Variants in BSDC1 observed in about 807,000 individuals in gnomAD.
BSDC1 encodes the protein BSD domain-containing protein 1.
Under a neutral mutation model 56.0 loss-of-function variants are expected in BSDC1, and 29 were observed. The observed-to-expected ratio is 0.52, with a 90% CI of 0.39 to 0.71. The LOEUF (loss-of-function observed/expected upper bound fraction) is 0.71, where lower values mean the gene tolerates loss of function less well. BSDC1 is among the 30% of genes least tolerant of loss of function. The probability of loss-of-function intolerance (pLI) is 0.00; values close to 1 mark genes in which losing one functional copy is unlikely to be tolerated. For synonymous variants in BSDC1, 210 were observed against 215.3 expected (o/e 0.98, Z 0.21); for missense variants, 477 against 548.5 (o/e 0.87, Z 1.30).
Position 32,368,550 on chromosome 1 carries a change from C to T in BSDC1, c.1157G>A (p.Gly386Asp). The T allele has an allele frequency of 6.2e-7, 1 of 1,614,122 alleles. No individual in the cohort carries two copies. The highest frequency in any genetic ancestry group is 1.3e-5 in the African/African-American group (1 of 75,040). ...GTCCTCACTGATGTCCGTGCTTGAG[C>T]CTGGAACCACGAGCCACAGTGTGAA... ...KSTPSNNGKK[G>D]SSTDISEDWE... The change falls in exon 10 of 11, where the codon GGC (glycine) becomes GAC (aspartate). Residue 386 changes from glycine (G) to aspartate (D), a missense_variant and splice_region_variant. By Grantham distance (94) the Gly-to-Asp change is moderately conservative (BLOSUM62 -1). Transcript: ENST00000455895.
chr1:32,369,469 A>G (rs1641988286), intron 9 of BSDC1: 13 of 351,088 alleles, frequency 3.7e-5, no homozygotes, highest in South Asian at 3.1e-4. Flanking sequence ...TGATCATGCC[A>G]CTGCAGTCCA....
At position 32,364,641 on chromosome 1, in the gene BSDC1, G is replaced by T. The variant is rs968593913; in HGVS notation, c.*1981C>A. On this transcript the variant is annotated 3_prime_UTR_variant, in exon 11 of 11. Transcript: ENST00000455895. ...TTTAGTAGAGATGGGGTTTCACCAT[G>T]TTGGCCAGGCTGGTCTGGAACTCCT... Among the ~76,000 whole-genome samples, 3 of 152,164 alleles carry T rather than the reference G, an allele frequency of 2.0e-5. No homozygotes were observed. The highest frequency in any genetic ancestry group is 7.2e-5 in the African/African-American group (3 of 41,422).
chr1:32,390,711 G>A (rs949409219), intron 2 of BSDC1, among the ~76,000 whole-genome samples: 75 of 152,248 alleles, frequency 4.9e-4, no homozygotes, highest in African/African-American at 1.7e-3. Flanking sequence ...AGGGGTTTGA[G>A]ACCAGCCTGG....
intron 9 of BSDC1, among the ~76,000 whole-genome samples, chr1:32,370,129 C>A (rs1642019002): frequency 6.6e-6 from 1 of 152,214 alleles, no homozygotes. Flanking sequence ...AGGGGCATGC[C>A]ACCATGCCTG....
At chr1:32,382,463 CA>C (rs146087579) in intron 4 of BSDC1, among the ~76,000 whole-genome samples, 1,858 of 130,180 alleles carry the variant, frequency 0.014, 36 homozygotes, top group African/African-American at 0.049. Flanking sequence ...GACCCTATTT[CA>C]AAAAAAAAAC....
intron 4 of BSDC1, among the ~76,000 whole-genome samples, chr1:32,381,974 C>T (rs1211098964): frequency 6.6e-6 from 1 of 152,146 alleles, no homozygotes; most frequent in Non-Finnish European, 1.5e-5. Flanking sequence ...CGCCTGTAAT[C>T]CCAGCACTCT....
At chr1:32,375,425 G>A in intron 9 of BSDC1, among the ~76,000 whole-genome samples, 1 of 151,858 alleles carries the variant, frequency 6.6e-6, no homozygotes, top group Non-Finnish European at 1.5e-5. Context: ...TACAGGTGGT[G>A]GGGGGACTGG....
intron 10 of BSDC1, chr1:32,367,490 T>C (rs1033306565): frequency 2.0e-6 from 2 of 985,312 alleles, no homozygotes; most frequent in African/African-American, 1.7e-5. Flanking sequence ...GCCCTTCACA[T>C]GTCTCTCTAA....
chr1:32,375,206 G>C (rs1642236008), intron 9 of BSDC1, among the ~76,000 whole-genome samples: 1 of 152,000 alleles, frequency 6.6e-6, no homozygotes, highest in African/African-American at 2.4e-5. Context: ...ATTGATCAAA[G>C]TCAGAAGGGA....
chr1:32,365,224 TTTTTTTCC>T lies in BSDC1; in HGVS notation c.*1390_*1397del, dbSNP rs1249694606. 5.9e-5 allele frequency: 9 copies of T among 152,186 alleles called. No homozygotes were observed. The highest frequency in any genetic ancestry group is 1.9e-4 in the African/African-American group (8 of 41,458). 9.4% of individuals were successfully genotyped at this position (152,186 alleles called of 1,614,324 possible). A position where few individuals can be genotyped will look rare whatever the true frequency, so the allele number is the denominator to read the frequency against. On this transcript the variant is annotated 3_prime_UTR_variant, in exon 11 of 11. Coordinates refer to ENST00000455895, the MANE Select transcript of BSDC1 (RefSeq NM_018045.8). ...TAACAGCTGTTAGAATCTTTTTTTC[TTTTTTTCC>T]TTTTTTCTTTTCCCAGCTACAAAAT...
chr1:32,390,631 C>T (rs932176584), intron 2 of BSDC1, among the ~76,000 whole-genome samples: 13 of 152,140 alleles, frequency 8.5e-5, no homozygotes, highest in African/African-American at 2.9e-4. Context: ...CTAAAGCTGG[C>T]CGGGCATGGT....
Position 32,368,497 on chromosome 1 carries a change from T to C in BSDC1, c.1210A>G (p.Thr404Ala), listed in dbSNP as rs772033460. The C allele has an allele frequency of 3.7e-6, 6 of 1,614,098 alleles. No homozygotes were observed. Among genetic ancestry groups the C allele is most frequent in the Non-Finnish European group, 5.1e-6 (6 of 1,180,010 alleles). The change falls in exon 10 of 11, where the codon ACT becomes GCT. Residue 404 changes from threonine to alanine, a missense_variant. By Grantham distance (58) the Thr-to-Ala change is moderately conservative (BLOSUM62 0). Transcript: ENST00000455895. The stretch of plus-strand genomic sequence containing the variant: ...AGTGCCATCTGCACCTCCTCTTCAG[T>C]CATGTCCAAGTCAAAGTCTTTCTCC... The part of the protein sequence containing the change: ...DWEKDFDLDM[T>A]EEEVQMALSK...
chr1:32,383,905 G>A lies in BSDC1; in HGVS notation c.282C>T (p.Asp94=). Residue 94 remains aspartate (D), a synonymous_variant, in exon 4 of 11, where the codon GAC becomes GAT. Coordinates refer to ENST00000455895, the MANE Select transcript of BSDC1 (RefSeq NM_018045.8). ...TGATGACATCGCAGTCGATGGTTTT[G>A]TCTGGCGAAGGGGCAAAGGTGTCTG... The part of the protein sequence containing the change: ...VISDTFAPSP[D]KTIDCDVITL... 6.2e-7 allele frequency: 1 copy of A among 1,612,552 alleles called. No individual in the cohort carries two copies. Among genetic ancestry groups the A allele is most frequent in the Non-Finnish European group, 8.5e-7 (1 of 1,180,016 alleles).
rs560058496 is a variant in BSDC1 at position 32,378,289 on chromosome 1, G to A, written c.529-6C>T. 9.9e-6 allele frequency: 16 copies of A among 1,614,148 alleles called. No individual in the cohort carries two copies. Among genetic ancestry groups the A allele is most frequent in the Admixed American group, 6.7e-5 (4 of 60,032 alleles). The stretch of plus-strand genomic sequence containing the variant: ...TGGGAAACAGCTGCTGGAACCTGGA[G>A]GGAGGGGAAAATGGAGGTGAGACTT... On this transcript the variant is annotated splice_region_variant and splice_polypyrimidine_tract_variant and intron_variant, in intron 6 of 10. Coordinates refer to ENST00000455895, the MANE Select transcript of BSDC1 (RefSeq NM_018045.8). The surrounding 1 kb of genome is among the most constrained non-coding windows in gnomAD (Gnocchi z 5.2).
At chr1:32,387,072 G>A (rs1447360042) in intron 2 of BSDC1, among the ~76,000 whole-genome samples, 177 bp from the exon 3 acceptor site, 3 of 152,240 alleles carry the variant, frequency 2.0e-5, no homozygotes, top group Non-Finnish European at 2.9e-5. Context: ...CCTGACAGCA[G>A]AGAGTGCAGG....
chr1:32,367,792 T>C (rs1036927035), intron 10 of BSDC1: 5 of 890,628 alleles, frequency 5.6e-6, no homozygotes, highest in South Asian at 5.1e-5. Context: ...CTGGTCACCA[T>C]GTCTCAGGCA....
At chr1:32,369,392 C>T in intron 9 of BSDC1, 2 of 897,574 alleles carry the variant, frequency 2.2e-6, no homozygotes. Context: ...CTAAGGAGTC[C>T]CAGCTACTCA....
In BSDC1 at chr1:32,376,610, G is replaced by A. The variant is rs767166821; in HGVS notation, c.808C>T (p.Pro270Ser). Reference protein sequence around the residue: ...CEENLVTSVEPPAEVTPSESS... With the variant: ...CEENLVTSVESPAEVTPSESS... ...TCTGATGGAGTCACCTCTGCTGGGG[G>A]CTCAACTGAAGTCACCAGATTCTCT... The change falls in exon 9 of 11, where the codon CCC (proline) becomes TCC (serine). Residue 270 changes from proline to serine, a missense_variant. By Grantham distance (74) the Pro-to-Ser change is moderately conservative (BLOSUM62 -1). Coordinates refer to ENST00000455895, the MANE Select transcript of BSDC1 (RefSeq NM_018045.8). 2.7e-6 allele frequency: 4 copies of A among 1,475,280 alleles called. No homozygotes were observed. The highest frequency in any genetic ancestry group is 3.6e-6 in the Non-Finnish European group (4 of 1,101,892). 91.4% of individuals were successfully genotyped at this position (1,475,280 alleles called of 1,614,324 possible).
chr1:32,391,542 T>C, intron 2 of BSDC1, among the ~76,000 whole-genome samples: 1 of 150,676 alleles, frequency 6.6e-6, no homozygotes, highest in East Asian at 1.9e-4. Context: ...GCCTTTCTCT[T>C]TTTAATTTCT....
Sources: allele counts gnomAD v4.1 joint callset (sites outside exome capture counted in the v4.1 genomes callset), GRCh38; gene constraint gnomAD v4.1.1; non-coding constraint Gnocchi (gnomAD v3.1); transcripts MANE v1.5; gene names NCBI Gene and HGNC (gene_info 2026-07-23, HGNC 2026-07-21).